Variants in PABPC1 observed in about 807,000 individuals in gnomAD.
The protein encoded by PABPC1 is poly(A) binding protein cytoplasmic 1, also known as polyadenylate-binding protein 1.
PABPC1 carries 4 observed loss-of-function variants against 74.0 expected under a neutral mutation model. The ratio of observed to expected loss-of-function variants is 0.05; its 90% CI spans 0.03 to 0.12. The LOEUF (loss-of-function observed/expected upper bound fraction) is 0.12. PABPC1 is among the 10% of genes least tolerant of loss of function. The pLI, the probability that PABPC1 is intolerant of heterozygous loss-of-function variation, is 1.00. For missense variants in PABPC1, 271 were observed against 821.1 expected (o/e 0.33, Z 8.19); for synonymous variants, 227 against 264.1 (o/e 0.86, Z 1.36).
chr8:100,705,165 A>G (rs911496407), intron 12 of PABPC1, 109 bp from the exon 13 acceptor site: 14 of 795,022 alleles, frequency 1.8e-5, no homozygotes, highest in Middle Eastern at 2.7e-4. Flanking sequence ...TCTCACGTAT[A>G]TAATAACCCA....
chr8:100,715,058 G>C (rs1810630546), intron 4 of PABPC1, among the ~76,000 whole-genome samples: 1 of 149,352 alleles, frequency 6.7e-6, no homozygotes, highest in South Asian at 2.1e-4. Flanking sequence ...TGTTCTATGA[G>C]ACTGCATTCC....
chr8:100,710,839 T>C (rs919855778), intron 7 of PABPC1, among the ~76,000 whole-genome samples: 1 of 151,774 alleles, frequency 6.6e-6, no homozygotes, highest in African/African-American at 2.4e-5. Context: ...ATACAAAAAT[T>C]AGCCGGGCAT....
chr8:100,713,189 ATT>A lies in PABPC1; in HGVS notation c.644-10_644-9del, dbSNP rs564276728. On this transcript the variant is annotated splice_polypyrimidine_tract_variant and intron_variant, in intron 4 of 14. Coordinates refer to ENST00000318607, the MANE Select transcript of PABPC1 (RefSeq NM_002568.4). ...TCACACTTAAGGCAGGCCCTAAAAA[ATT>A]TTTTTACATAAATCAAAGATATTCC... 2.0e-6 allele frequency: 3 copies of A among 1,467,478 alleles called. No homozygotes were observed. Among genetic ancestry groups the A allele is most frequent in the South Asian group, 1.3e-5 (1 of 78,192 alleles). The allele number at this position is 1,467,478 out of a possible 1,614,324, so 90.9% of individuals were successfully genotyped here.
chr8:100,719,758 G>A (rs748938979), intron 1 of PABPC1, among the ~76,000 whole-genome samples: 12 of 152,138 alleles, frequency 7.9e-5, no homozygotes, highest in South Asian at 2.1e-4. Context: ...ACACTTTCAA[G>A]TTTTCATTTT....
At chr8:100,715,158 CATAT>C (rs1189307757) in intron 4 of PABPC1, among the ~76,000 whole-genome samples, 150 of 76,218 alleles carry the variant, frequency 2.0e-3, no homozygotes, top group African/African-American at 4.5e-3. Context: ...CACACACACA[CATAT>C]ATATCTCCAG....
At chr8:100,704,158 T>A (rs1800812644) in intron 14 of PABPC1, 139 bp downstream of exon 14, 1 of 704,426 alleles carries the variant, frequency 1.4e-6, no homozygotes, top group African/African-American at 1.8e-5. Flanking sequence ...TAGTTCCACT[T>A]TTCCTTGAAA....
At chr8:100,717,950 TGA>T in intron 2 of PABPC1, 62 bp from the exon 3 acceptor site, 1 of 1,386,494 alleles carries the variant, frequency 7.2e-7, no homozygotes, top group Non-Finnish European at 1.0e-6. Context: ...TGTTCAGTGT[TGA>T]GAGACAATCT....
At chr8:100,712,550 A>T in intron 6 of PABPC1, 93 bp from the exon 7 acceptor site, 1 of 1,466,628 alleles carries the variant, frequency 6.8e-7, no homozygotes, top group Admixed American at 2.0e-5. Context: ...TTCTTCTCCT[A>T]TTCCCCTCTC....
chr8:100,712,798 C>CCAAA lies in PABPC1; in HGVS notation c.739-10_739-9insTTTG. On this transcript the variant is annotated splice_polypyrimidine_tract_variant and intron_variant, in intron 5 of 14. Transcript: ENST00000318607. ...TTCATCTCATCCACAGCCTTCCCCC[C>CCAAA]AAAAAAAAAGAAAAAAAAAAAATCA... 3 of 1,454,872 alleles carry CCAAA rather than the reference C, an allele frequency of 2.1e-6. No individual in the cohort carries two copies. The highest frequency in any genetic ancestry group is 2.4e-5 in the East Asian group (1 of 41,042). The allele number at this position is 1,454,872 out of a possible 1,614,324, so 90.1% of individuals were successfully genotyped here.
At chr8:100,716,672 C>A (rs1810678526) in intron 3 of PABPC1, among the ~76,000 whole-genome samples, 1 of 152,194 alleles carries the variant, frequency 6.6e-6, no homozygotes, top group African/African-American at 2.4e-5. Context: ...TCACTTTCTG[C>A]TTTGTAAATA....
Position 100,714,307 on chromosome 8 carries a change from G to A in PABPC1, c.644-1126C>T, listed in dbSNP as rs551054042. Among the ~76,000 whole-genome samples, 7 of 152,334 alleles carry A rather than the reference G, an allele frequency of 4.6e-5. No individual in the cohort carries two copies. In the South Asian group the frequency reaches 1.2e-3, roughly 27 times the overall value. On this transcript the variant is annotated intron_variant, in intron 4 of 14. Coordinates refer to ENST00000318607, the MANE Select transcript of PABPC1 (RefSeq NM_002568.4). ...CAGTTGAAATATATAAAAGGCAGTAGCTAAATTTGGGGGTTGAGATGTAAA... is the reference window on the plus strand; with the variant it reads ...CAGTTGAAATATATAAAAGGCAGTAACTAAATTTGGGGGTTGAGATGTAAA...
chr8:100,703,960 CAGG>C (rs1282279987), intron 14 of PABPC1, among the ~76,000 whole-genome samples: 1 of 148,496 alleles, frequency 6.7e-6, no homozygotes, highest in Non-Finnish European at 1.5e-5. Flanking sequence ...GAGGCCGAGG[CAGG>C]AGAATTGCTT....
intron 7 of PABPC1, 83 bp downstream of exon 7, chr8:100,712,279 T>C: frequency 1.3e-6 from 1 of 788,914 alleles, no homozygotes. Context: ...CTAGTGGCTA[T>C]AATAATACAA....
At chr8:100,703,552 T>C (rs1412471788) in intron 14 of PABPC1, among the ~76,000 whole-genome samples, 193 bp from the exon 15 acceptor site, 1 of 152,188 alleles carries the variant, frequency 6.6e-6, no homozygotes, top group Non-Finnish European at 1.5e-5. Context: ...ATTTCAGAGA[T>C]AACACAGTCC....
intron 4 of PABPC1, among the ~76,000 whole-genome samples, chr8:100,714,895 G>A (rs144769018): frequency 1.4e-4 from 21 of 152,264 alleles, no homozygotes; most frequent in Admixed American, 3.9e-4. Flanking sequence ...AGGCTGGTTT[G>A]TGCTTCATCA....
At chr8:100,703,894 A>G (rs1810310744) in intron 14 of PABPC1, among the ~76,000 whole-genome samples, 1 of 152,138 alleles carries the variant, frequency 6.6e-6, no homozygotes. Context: ...TAGTAAAAAT[A>G]CAAAAATTAG....
chr8:100,711,271 C>T (rs779651761), intron 7 of PABPC1, among the ~76,000 whole-genome samples: 4 of 151,666 alleles, frequency 2.6e-5, no homozygotes, highest in African/African-American at 7.3e-5. Context: ...GAGTGAGACT[C>T]GTCTTTAAAA....
intron 13 of PABPC1, among the ~76,000 whole-genome samples, chr8:100,704,697 C>A (rs1386370765): frequency 1.3e-5 from 2 of 152,192 alleles, no homozygotes; most frequent in African/African-American, 4.8e-5. Context: ...GGATTTGAAG[C>A]CAGGCTCTGC....
Position 100,712,344 on chromosome 8 carries a change from A to C in PABPC1, c.972+18T>G, listed in dbSNP as rs1202647036. The C allele has an allele frequency of 7.4e-7, 1 of 1,357,994 alleles. No individual in the cohort carries two copies. The highest frequency in any genetic ancestry group is 1.0e-6 in the Non-Finnish European group (1 of 975,080). 84.1% of individuals were successfully genotyped at this position (1,357,994 alleles called of 1,614,324 possible). A position where few individuals can be genotyped will look rare whatever the true frequency, so the allele number is the denominator to read the frequency against. ...ATTTTTACTAGACCTCAAATAAATGAACCATATGTTTTCTTACCTTTGCAC... is the reference window on the plus strand; with the variant it reads ...ATTTTTACTAGACCTCAAATAAATGCACCATATGTTTTCTTACCTTTGCAC... On this transcript the variant is annotated intron_variant, in intron 7 of 14. Transcript: ENST00000318607.
Sources: gnomAD v4.1 joint callset for allele counts (sites outside exome capture counted in the v4.1 genomes callset) on GRCh38, gnomAD v4.1.1 for gene constraint, MANE v1.5 for transcripts, NCBI Gene and HGNC (gene_info 2026-07-23, HGNC 2026-07-21) for gene names.